MAP3K2: variants seen among roughly 807,000 people sequenced by gnomAD.
The protein encoded by MAP3K2 is MAP/ERK kinase kinase 2.
Under a neutral mutation model 80.3 loss-of-function variants are expected in MAP3K2, and 24 were observed. The observed-to-expected ratio is 0.30, with a 90% CI of 0.22 to 0.42. MAP3K2 has a LOEUF of 0.42. Among genes scored for constraint, MAP3K2 ranks in the 10% least tolerant of loss-of-function variants. The pLI is 1.00. For synonymous variants in MAP3K2, 244 were observed against 253.7 expected, an observed-to-expected ratio of 0.96 and a Z score of 0.36; for missense variants, 608 against 750.1, an observed-to-expected ratio of 0.81 and a Z score of 2.21.
rs1222970628 is a variant in MAP3K2, at chr2:127,382,847, G to A, written c.-66+4605C>T. ...AGCAGATGTCGGTATATTGATAGGG[G>A]TTGCCTTCAATCTGCAGATTGCTTT... On this transcript the variant is annotated intron_variant, in intron 1 of 16. Transcript: ENST00000682094. 2.6e-5 allele frequency among the ~76,000 whole-genome samples: 4 copies of A among 152,188 alleles called. No homozygotes were observed. The East Asian group carries it at 7.7e-4, about 29-fold the overall frequency.
rs1351347854 is a variant in MAP3K2 at position 127,330,418 on chromosome 2, A to G, written c.352T>C (p.Leu118=). The part of the protein sequence containing the change: ...RSIHMKSLKI[L]LVINGSTQAT... ...TGTGTACTTCCATTTATTACAAGTA[A>G]TATCTTGAGGCTCTTCATATGAATA... is the stretch of plus-strand genomic sequence containing the variant. The change falls in exon 6 of 17, where the codon TTA becomes CTA. Residue 118 remains leucine, a synonymous_variant. Coordinates refer to ENST00000682094, the MANE Select transcript of MAP3K2 (RefSeq NM_001371910.2). 1.9e-6 allele frequency: 3 copies of G among 1,600,596 alleles called. No individual in the cohort carries two copies. Among genetic ancestry groups the G allele is most frequent in the African/African-American group, 2.7e-5 (2 of 74,452 alleles).
upstream of MAP3K2, chr2:127,388,195 C>A (rs11541137): frequency 1.0e-6 from 1 of 984,278 alleles, no homozygotes; most frequent in Non-Finnish European, 1.2e-6. Flanking sequence ...GCCCCGCCCC[C>A]GCCCCTGCCC....
chr2:127,330,267 G>A, intron 6 of MAP3K2, 125 bp downstream of exon 6: 1 of 595,066 alleles, frequency 1.7e-6, no homozygotes. Flanking sequence ...ATTAAAGGAT[G>A]TAAGTTTACA....
At chr2:127,375,465 A>T (rs1192561313) in intron 1 of MAP3K2, among the ~76,000 whole-genome samples, 1 of 150,160 alleles carries the variant, frequency 6.7e-6, no homozygotes, top group Non-Finnish European at 1.5e-5. Flanking sequence ...GCTGGAGTGC[A>T]GTGGTGCGAT....
At chr2:127,382,377 G>A (rs187468392) in intron 1 of MAP3K2, among the ~76,000 whole-genome samples, 127 of 151,560 alleles carry the variant, frequency 8.4e-4, no homozygotes, top group Non-Finnish European at 2.1e-4. Flanking sequence ...ATTTTATTCT[G>A]CTTCATAGTG....
chr2:127,319,250 A>C (rs1384453794), intron 12 of MAP3K2, among the ~76,000 whole-genome samples: 3 of 151,892 alleles, frequency 2.0e-5, no homozygotes, highest in East Asian at 1.9e-4. Context: ...AAAAAAAAAA[A>C]AAAACCCTAC....
At chr2:127,375,135 T>C (rs1425307502) in intron 1 of MAP3K2, among the ~76,000 whole-genome samples, 1 of 152,174 alleles carries the variant, frequency 6.6e-6, no homozygotes, top group Non-Finnish European at 1.5e-5. Context: ...GGAGAGGATA[T>C]GCTTGTGTTC....
At chr2:127,381,482 G>C (rs1178190033) in intron 1 of MAP3K2, among the ~76,000 whole-genome samples, 1 of 152,174 alleles carries the variant, frequency 6.6e-6, no homozygotes, top group Non-Finnish European at 1.5e-5. Context: ...ATCAGATTCT[G>C]ATTAACCTAG....
intron 14 of MAP3K2, chr2:127,317,085 G>T (rs1333629562): frequency 7.0e-6 from 1 of 142,462 alleles, no homozygotes; most frequent in African/African-American, 2.6e-5. Context: ...CAGATCCTGA[G>T]AGTGAAGACT....
At chr2:127,369,929 T>C (rs778027677) in intron 1 of MAP3K2, among the ~76,000 whole-genome samples, 5 of 152,212 alleles carry the variant, frequency 3.3e-5, no homozygotes, top group Non-Finnish European at 5.9e-5. Context: ...TAAACCTTCT[T>C]GGAAGGCTGG....
chr2:127,378,245 CATTA>C (rs1687182618), intron 1 of MAP3K2: 1 of 540,052 alleles, frequency 1.9e-6, no homozygotes, highest in Non-Finnish European at 2.4e-6. Flanking sequence ...AAAACTGGTA[CATTA>C]TTATTACGTA....
At chr2:127,386,533 T>C (rs1687350308) in intron 1 of MAP3K2, among the ~76,000 whole-genome samples, 2 of 152,206 alleles carry the variant, frequency 1.3e-5, no homozygotes. Flanking sequence ...GGCATCAAGG[T>C]CAAACTACAA....
Position 127,339,393 on chromosome 2 carries a change from A to C in MAP3K2, c.5-343T>G, listed in dbSNP as rs1686434126. Among the ~76,000 whole-genome samples the C allele has an allele frequency of 6.6e-6, 1 of 152,198 alleles. No homozygotes were observed. Among genetic ancestry groups the C allele is most frequent in the Non-Finnish European group, 1.5e-5 (1 of 68,014 alleles). ...AACATCAAGGTATCTAAAATGTTTT[A>C]AAAAGTAGGGAAAAAAAAATAAACA... On this transcript the variant is annotated intron_variant, in intron 2 of 16. Coordinates refer to ENST00000682094, the MANE Select transcript of MAP3K2 (RefSeq NM_001371910.2). The surrounding 1 kb of genome is among the most constrained non-coding windows in gnomAD (Gnocchi z 4.2).
intron 3 of MAP3K2, 78 bp downstream of exon 3, chr2:127,338,854 C>A: frequency 1.1e-6 from 1 of 932,718 alleles, no homozygotes; most frequent in Non-Finnish European, 1.6e-6. Flanking sequence ...AAAAGCTGAA[C>A]ACATTAAACA....
rs1223353072 is a variant in MAP3K2, at chr2:127,346,409, T to TAAAAAAAAAAAAAA, written c.-65-3216_-65-3215insTTTTTTTTTTTTTT. Among the ~76,000 whole-genome samples the TAAAAAAAAAAAAAA allele has an allele frequency of 1.1e-4, 9 of 85,352 alleles. 1 individual carries two copies. The highest frequency in any genetic ancestry group is 4.6e-4 in the South Asian group (1 of 2,172). The allele number at this position is 85,352 out of a possible 152,430, so 56.0% of individuals were successfully genotyped here. A position where few individuals can be genotyped will look rare whatever the true frequency, so the allele number is the denominator to read the frequency against. On this transcript the variant is annotated intron_variant, in intron 1 of 16. Coordinates refer to ENST00000682094, the MANE Select transcript of MAP3K2 (RefSeq NM_001371910.2). ...TTTACAGAATTTACAAAAACTGGTT[T>TAAAAAAAAAAAAAA]TAAAAAAAAAAAAAAAAAAAAAAGA... is the stretch of plus-strand genomic sequence containing the variant.
intron 1 of MAP3K2, among the ~76,000 whole-genome samples, chr2:127,353,316 G>A (rs554209821): frequency 6.6e-5 from 10 of 151,714 alleles, no homozygotes; most frequent in South Asian, 2.1e-4. Context: ...CCGCCGCCCC[G>A]TCTGGGATGT....
chr2:127,388,205 C>T (rs1014056653), upstream of MAP3K2: 2 of 985,506 alleles, frequency 2.0e-6, no homozygotes, highest in Non-Finnish European at 2.4e-6. Flanking sequence ...CGCCCCTGCC[C>T]CGGGGCAGCC....
At chr2:127,380,206 C>A (rs1687222079) in intron 1 of MAP3K2, among the ~76,000 whole-genome samples, 1 of 152,096 alleles carries the variant, frequency 6.6e-6, no homozygotes, top group Non-Finnish European at 1.5e-5. Flanking sequence ...TGCCTCTGTT[C>A]TTGATGAGCT....
rs1356795836 is a variant in MAP3K2, at chr2:127,343,056, TAGAG to T, written c.4+66_4+69del. ...TAAAAAGGTTTATAATAACACATAA[TAGAG>T]AAAGTTTTTTCACTTCCATTCTATC... On this transcript the variant is annotated intron_variant, in intron 2 of 16. Coordinates refer to ENST00000682094, the MANE Select transcript of MAP3K2 (RefSeq NM_001371910.2). 9.9e-6 allele frequency: 12 copies of T among 1,217,996 alleles called. No homozygotes were observed. In the African/African-American group the frequency reaches 1.5e-4, roughly 15 times the overall value. 75.4% of individuals were successfully genotyped at this position (1,217,996 alleles called of 1,614,324 possible).
Sources: gnomAD v4.1 joint callset for allele counts (sites outside exome capture counted in the v4.1 genomes callset) on GRCh38, gnomAD v4.1.1 for gene constraint, Gnocchi (gnomAD v3.1) non-coding constraint, MANE v1.5 for transcripts, NCBI Gene and HGNC (gene_info 2026-07-23, HGNC 2026-07-21) for gene names.